The following CSMD3 variants were observed in gnomAD, a reference collection of about 807,000 sequenced individuals.
CSMD3 encodes CUB and Sushi multiple domains 3, also known as CUB and sushi domain-containing protein 3.
Under a neutral mutation model 435.2 loss-of-function variants are expected in CSMD3, and 177 were observed. The ratio of observed to expected loss-of-function variants is 0.41; its 90% CI spans 0.36 to 0.46. The LOEUF is 0.46. Ranked by LOEUF, CSMD3 falls within the 20% of genes least tolerant of loss-of-function variation. CSMD3 has a pLI of 0.34. For missense variants in CSMD3, 4,265 were observed against 4,504.6 expected (o/e 0.95, Z 1.52); for synonymous variants, 1,656 against 1,520.5 (o/e 1.09, Z -2.07).
intron 4 of CSMD3, among the ~76,000 whole-genome samples, chr8:113,132,898 T>G (rs2131691682): frequency 6.6e-6 from 1 of 152,270 alleles, no homozygotes; most frequent in African/African-American, 2.4e-5. Flanking sequence ...CTCAGGGTTT[T>G]TACTTTTTTA....
chr8:112,638,882 A>C lies in CSMD3; in HGVS notation c.3340T>G (p.Leu1114Val), dbSNP rs745321954. The change falls in exon 21 of 71, where the codon TTG becomes GTG. Residue 1114 changes from leucine (L) to valine (V), a missense_variant. By Grantham distance (32) the Leu-to-Val change is conservative (BLOSUM62 1). Around this residue, in one of 3 missense-constraint regions of CSMD3, gnomAD observed 3,255 missense variants for 3,380.2 expected, o/e 0.96. Coordinates refer to ENST00000297405, the MANE Select transcript of CSMD3 (RefSeq NM_198123.2). ...GVQFNFHTFH[L>V]EDHHDYLLIT... ...AGTAAGTAGTCATGATGGTCTTCCAAATGAAAAGTGTGGAAGTTGAACTGC... is the reference window on the plus strand; with the variant it reads ...AGTAAGTAGTCATGATGGTCTTCCACATGAAAAGTGTGGAAGTTGAACTGC... The C allele has an allele frequency of 9.3e-6, 15 of 1,613,000 alleles. No individual in the cohort carries two copies. Among genetic ancestry groups the C allele is most frequent in the Non-Finnish European group, 1.2e-5 (14 of 1,179,242 alleles).
At chr8:112,400,760 T>A (rs1392583136) in intron 35 of CSMD3, among the ~76,000 whole-genome samples, 3 of 152,194 alleles carry the variant, frequency 2.0e-5, no homozygotes, top group Non-Finnish European at 4.4e-5. Flanking sequence ...TTGGATAGCA[T>A]CACCTTACTC....
rs1251978908 is a variant in CSMD3 at position 112,579,047 on chromosome 8, GACAA to G, written c.3886-5394_3886-5391del. ...GTGTATGCAATTTATGATTGCAACT[GACAA>G]ACAAGAGTATTTCCTAAATAAATAC... On this transcript the variant is annotated intron_variant, in intron 23 of 70. Coordinates refer to ENST00000297405, the MANE Select transcript of CSMD3 (RefSeq NM_198123.2). 4.6e-5 allele frequency among the ~76,000 whole-genome samples: 7 copies of G among 152,088 alleles called. No individual in the cohort carries two copies. In the South Asian group the frequency reaches 6.2e-4, roughly 14 times the overall value.
chr8:112,881,754 T>G (rs564904940), intron 10 of CSMD3, among the ~76,000 whole-genome samples: 35 of 152,048 alleles, frequency 2.3e-4, no homozygotes, highest in East Asian at 1.9e-3. Flanking sequence ...AAAGTGGCAT[T>G]CAAGACCTTT....
At chr8:113,005,742 G>C (rs2086032841) in intron 6 of CSMD3, among the ~76,000 whole-genome samples, 1 of 152,082 alleles carries the variant, frequency 6.6e-6, no homozygotes, top group South Asian at 2.1e-4. Context: ...TCAGCTTAAT[G>C]TCAGTGCCTC....
At chr8:112,932,643 A>G (rs376093561) in intron 9 of CSMD3, among the ~76,000 whole-genome samples, 44 of 152,100 alleles carry the variant, frequency 2.9e-4, no homozygotes, top group Non-Finnish European at 4.9e-4. Context: ...AAAAAGAAAA[A>G]AGAAAAATAG....
chr8:112,596,454 C>A (rs1217229817), intron 22 of CSMD3, among the ~76,000 whole-genome samples: 1 of 152,218 alleles, frequency 6.6e-6, no homozygotes, highest in African/African-American at 2.4e-5. Flanking sequence ...TTAGACAGAT[C>A]AACGAGACAG....
At chr8:112,574,375 C>T (rs985983652) in intron 23 of CSMD3, among the ~76,000 whole-genome samples, 1 of 151,802 alleles carries the variant, frequency 6.6e-6, no homozygotes, top group Non-Finnish European at 1.5e-5. Context: ...CTACCGTTCC[C>T]GTATTAATGA....
intron 6 of CSMD3, among the ~76,000 whole-genome samples, chr8:112,993,587 A>G (rs1287345848): frequency 6.6e-6 from 1 of 151,894 alleles, no homozygotes; most frequent in Non-Finnish European, 1.5e-5. Context: ...TAAAAATCAT[A>G]TAAGGTCTTC....
In CSMD3 at chr8:112,341,675, G is replaced by T; in HGVS notation, c.6454C>A (p.Gln2152Lys). 6.3e-7 allele frequency: 1 copy of T among 1,599,326 alleles called. No individual in the cohort carries two copies. The highest frequency in any genetic ancestry group is 8.6e-7 in the Non-Finnish European group (1 of 1,166,968). ...GTTTCTGTAGAAAAATTTACAAACT[G>T]GAGATGTACACCTGAAGAAGAAAAC... ...NLPIGFGVHLQFVNFSTETIH... is the reference protein window; with the variant it reads ...NLPIGFGVHLKFVNFSTETIH... Residue 2152 changes from glutamine (Q) to lysine (K), a missense_variant, in exon 42 of 71, where the codon CAG becomes AAG. By Grantham distance (53) the Gln-to-Lys change is moderately conservative (BLOSUM62 1). Around this residue, in one of 3 missense-constraint regions of CSMD3, gnomAD observed 3,255 missense variants for 3,380.2 expected, o/e 0.96. Transcript: ENST00000297405.
chr8:113,208,392 G>T (rs954136026), intron 3 of CSMD3, among the ~76,000 whole-genome samples: 1 of 151,972 alleles, frequency 6.6e-6, no homozygotes, highest in Non-Finnish European at 1.5e-5. Context: ...ATACAATATG[G>T]ACAAAAAGCA....
intron 13 of CSMD3, among the ~76,000 whole-genome samples, chr8:112,728,967 A>C (rs1289503859): frequency 6.6e-6 from 1 of 152,086 alleles, no homozygotes; most frequent in Non-Finnish European, 1.5e-5. Flanking sequence ...ATACACATAC[A>C]TATACAAACA....
chr8:113,225,697 G>T lies in CSMD3; in HGVS notation c.515-51781C>A, dbSNP rs577366398. ...AGAACAGTTGGTATGAATGTCAGAT[G>T]AGTAACATACAATTCAGGGGGAAAA... On this transcript the variant is annotated intron_variant, in intron 3 of 70. Transcript: ENST00000297405. Among the ~76,000 whole-genome samples, 4 of 151,600 alleles carry T rather than the reference G, an allele frequency of 2.6e-5. No individual in the cohort carries two copies. In the South Asian group the frequency reaches 6.2e-4, roughly 24 times the overall value.
At chr8:112,295,039 A>G (rs1232016253) in intron 54 of CSMD3, among the ~76,000 whole-genome samples, 1 of 152,142 alleles carries the variant, frequency 6.6e-6, no homozygotes, top group Non-Finnish European at 1.5e-5. Context: ...GTAATCTCTC[A>G]TCTATCACTC....
chr8:113,127,527 A>T (rs1417971191), intron 4 of CSMD3, among the ~76,000 whole-genome samples: 1 of 151,894 alleles, frequency 6.6e-6, no homozygotes, highest in African/African-American at 2.4e-5. Flanking sequence ...ATTCCCCAAT[A>T]CCTAAGTCAC....
chr8:113,165,198 A>G (rs1425441603), intron 4 of CSMD3, among the ~76,000 whole-genome samples: 1 of 152,144 alleles, frequency 6.6e-6, no homozygotes, highest in East Asian at 1.9e-4. Context: ...GGGCCTATAT[A>G]ATCATATGAA....
At chr8:113,118,240 T>A (rs972262845) in intron 4 of CSMD3, among the ~76,000 whole-genome samples, 3 of 152,220 alleles carry the variant, frequency 2.0e-5, no homozygotes, top group Non-Finnish European at 4.4e-5. Flanking sequence ...ACATTACTAA[T>A]ACATTAGTTA....
At chr8:112,472,165 T>C (rs1818580641) in intron 32 of CSMD3, among the ~76,000 whole-genome samples, 1 of 152,218 alleles carries the variant, frequency 6.6e-6, no homozygotes, top group Non-Finnish European at 1.5e-5. Context: ...TCTGGAAATG[T>C]GTTAATAAAC....
rs192371040 is a variant in CSMD3 at position 113,099,354 on chromosome 8, G to A, written c.710-391C>T. On this transcript the variant is annotated intron_variant, in intron 4 of 70. Transcript: ENST00000297405. ...ATCTTTGATCACTTTGTTTATTGACGGAAGAGCTTTTTGGTTTTTCAATGC... is the reference window on the plus strand; with the variant it reads ...ATCTTTGATCACTTTGTTTATTGACAGAAGAGCTTTTTGGTTTTTCAATGC... Among the ~76,000 whole-genome samples, 206 of 151,998 alleles carry A rather than the reference G, an allele frequency of 1.4e-3. 3 individuals are homozygous for A. Among genetic ancestry groups the A allele is most frequent in the African/African-American group, 2.3e-3 (94 of 41,506 alleles).
Sources: gnomAD v4.1 joint callset for allele counts (sites outside exome capture counted in the v4.1 genomes callset) on GRCh38, gnomAD v4.1.1 for gene constraint, gnomAD v4.1.1 regional missense constraint, MANE v1.5 for transcripts, NCBI Gene and HGNC (gene_info 2026-07-23, HGNC 2026-07-21) for gene names.